Variants in TRIM37 observed in about 807,000 individuals in gnomAD.
TRIM37 encodes the protein tripartite motif containing 37.
A neutral mutation model predicts 129.8 loss-of-function variants in TRIM37; 80 were observed. The ratio of observed to expected loss-of-function variants is 0.62; its 90% CI spans 0.51 to 0.74. The LOEUF (loss-of-function observed/expected upper bound fraction) is 0.74. Ranked by LOEUF, TRIM37 falls within the 30% of genes least tolerant of loss-of-function variation. The pLI, the probability that TRIM37 is intolerant of heterozygous loss-of-function variation, is 0.00. For missense variants in TRIM37, 1,054 were observed against 1,176.5 expected (o/e 0.90, Z 1.52); for synonymous variants, 389 against 387.1 (o/e 1.00, Z -0.06).
chr17:58,969,202 C>T, the TRIM37 span, among the ~76,000 whole-genome samples: 1 of 151,958 alleles, frequency 6.6e-6, no homozygotes, highest in African/African-American at 2.4e-5. Flanking sequence ...CCTCCCTATC[C>T]CCCCTCCCCC....
At chr17:59,030,938 T>A (rs922318570) in intron 18 of TRIM37, among the ~76,000 whole-genome samples, 1 of 152,154 alleles carries the variant, frequency 6.6e-6, no homozygotes, top group Admixed American at 6.5e-5. Flanking sequence ...AACATTTAAG[T>A]AAAACTTTAT....
chr17:59,068,882 G>A (rs1287802069), intron 9 of TRIM37, among the ~76,000 whole-genome samples: 1 of 152,122 alleles, frequency 6.6e-6, no homozygotes, highest in East Asian at 1.9e-4. Flanking sequence ...GGCAATGTCT[G>A]GAAATATTTT....
chr17:59,028,205 C>T (rs2037444394), intron 19 of TRIM37, among the ~76,000 whole-genome samples: 1 of 152,052 alleles, frequency 6.6e-6, no homozygotes, highest in Admixed American at 6.6e-5. Flanking sequence ...TTGTTTATTG[C>T]CAAATACAGA....
At chr17:59,062,489 G>C in intron 11 of TRIM37, 78 bp downstream of exon 11, 1 of 1,147,718 alleles carries the variant, frequency 8.7e-7, no homozygotes, top group Non-Finnish European at 1.3e-6. Flanking sequence ...ACAGTTCTCA[G>C]TAATCAAATT....
chr17:59,008,019 T>TAA (rs140604499), intron 22 of TRIM37, among the ~76,000 whole-genome samples: 1,969 of 152,352 alleles, frequency 0.013, 20 homozygotes, highest in Non-Finnish European at 0.02. Flanking sequence ...TATAGGTATA[T>TAA]AAGGGTTTCC....
At chr17:58,992,138 G>T (rs2032470912) in intron 24 of TRIM37, among the ~76,000 whole-genome samples, 1 of 151,440 alleles carries the variant, frequency 6.6e-6, no homozygotes, top group Non-Finnish European at 1.5e-5. Context: ...TATGACAAAA[G>T]GTTACAAATA....
intron 7 of TRIM37, 140 bp downstream of exon 7, chr17:59,079,614 T>C: frequency 9.3e-7 from 1 of 1,069,986 alleles, no homozygotes; most frequent in Non-Finnish European, 1.4e-6. Flanking sequence ...GTCTAACATT[T>C]ATCTGTCTAA....
intron 17 of TRIM37, among the ~76,000 whole-genome samples, chr17:59,035,037 T>C (rs1032692085): frequency 6.6e-6 from 1 of 152,056 alleles, no homozygotes; most frequent in Non-Finnish European, 1.5e-5. Context: ...TATAGAAGTA[T>C]CTTATTCATT....
chr17:59,052,945 ACT>A (rs1240582186), intron 13 of TRIM37, among the ~76,000 whole-genome samples: 2 of 150,530 alleles, frequency 1.3e-5, no homozygotes, highest in South Asian at 2.1e-4. Context: ...ACAGAGCGAA[ACT>A]CTGTCTCAAA....
intron 4 of TRIM37, among the ~76,000 whole-genome samples, chr17:59,085,561 G>A (rs1434240813): frequency 6.6e-6 from 1 of 152,154 alleles, no homozygotes; most frequent in Non-Finnish European, 1.5e-5. Flanking sequence ...CCAGGATGTG[G>A]AGAAACTGGA....
At position 59,017,156 on chromosome 17, in the gene TRIM37, C is replaced by A. The variant is rs1220638250; in HGVS notation, c.2386+140G>T. The A allele has an allele frequency of 7.3e-6, 8 of 1,095,406 alleles. No individual in the cohort carries two copies. In the East Asian group the frequency reaches 2.0e-4, roughly 28 times the overall value. The allele number at this position is 1,095,406 out of a possible 1,614,324, so 67.9% of individuals were successfully genotyped here. A position where few individuals can be genotyped will look rare whatever the true frequency, so the allele number is the denominator to read the frequency against. On this transcript the variant is annotated intron_variant, in intron 20 of 23. Transcript: ENST00000262294. ...TCCAGCCTGGGTGACAAAGTGAGAC[C>A]CTGTTTCAAAAAAAGAAACTTTCAA...
At chr17:59,037,557 C>CAAAAAAAAAAAAAAAAAAAA (rs58856834) in intron 17 of TRIM37, among the ~76,000 whole-genome samples, 9 of 74,032 alleles carry the variant, frequency 1.2e-4, no homozygotes, top group African/African-American at 3.0e-4. Context: ...GACTCTGTCT[C>CAAAAAAAAAAAAAAAAAAAA]AAAAAAAAAA....
chr17:59,090,854 G>A (rs1037728906), intron 3 of TRIM37, among the ~76,000 whole-genome samples: 2 of 152,116 alleles, frequency 1.3e-5, no homozygotes, highest in African/African-American at 2.4e-5. Flanking sequence ...TCGAATTCCC[G>A]ACCTCAGGTG....
chr17:59,030,610 C>T (rs16943358), intron 18 of TRIM37, among the ~76,000 whole-genome samples: 2,772 of 152,228 alleles, frequency 0.018, 80 homozygotes, highest in African/African-American at 0.063. Context: ...TAGTTTTACA[C>T]AGAAATCTTA....
intron 24 of TRIM37, among the ~76,000 whole-genome samples, chr17:58,992,117 C>CCTCT: frequency 6.6e-6 from 1 of 151,756 alleles, no homozygotes; most frequent in Non-Finnish European, 1.5e-5. Context: ...CACTTATGAT[C>CCTCT]AGAGTTTCAT....
At chr17:58,980,298 A>G (rs2031279974), downstream of TRIM37, 1 of 1,614,050 alleles carries the variant, frequency 6.2e-7, no homozygotes, top group Non-Finnish European at 8.5e-7. The surrounding 1 kb of genome is among the most constrained non-coding windows in gnomAD (Gnocchi z 4.7). Context: ...CAAGGAGGGC[A>G]AGAAGATGGT....
At chr17:59,005,240 T>C (rs1171425630) in intron 22 of TRIM37, among the ~76,000 whole-genome samples, 1 of 152,150 alleles carries the variant, frequency 6.6e-6, no homozygotes, top group East Asian at 1.9e-4. Context: ...CATTATTCTT[T>C]TAAAAAAGTT....
At chr17:58,987,847 C>T (rs1047671491) in intron 24 of TRIM37, among the ~76,000 whole-genome samples, 9 of 152,200 alleles carry the variant, frequency 5.9e-5, no homozygotes, top group African/African-American at 1.2e-4. Flanking sequence ...TAATTACACT[C>T]ATGTTTTACA....
At chr17:58,969,603 A>T in the TRIM37 span, 1 of 1,614,058 alleles carries the variant, frequency 6.2e-7, no homozygotes, top group Non-Finnish European at 8.5e-7. Context: ...GCTGCTATTT[A>T]TGCCTCCATT....
Sources: gnomAD v4.1 joint callset for allele counts (sites outside exome capture counted in the v4.1 genomes callset) on GRCh38, gnomAD v4.1.1 for gene constraint, Gnocchi (gnomAD v3.1) non-coding constraint, MANE v1.5 for transcripts, NCBI Gene and HGNC (gene_info 2026-07-23, HGNC 2026-07-21) for gene names.